ARHGAP10: variants seen among roughly 807,000 people sequenced by gnomAD.
ARHGAP10 encodes the protein Rho GTPase activating protein 10, also known as rho GTPase-activating protein 10.
In ARHGAP10, 87 loss-of-function variants were observed where a neutral mutation model predicts 108.6. That is an observed-to-expected ratio of 0.80 (90% CI 0.67 to 0.96). The LOEUF (loss-of-function observed/expected upper bound fraction) is 0.96, where lower values mean the gene tolerates loss of function less well. Ranked by LOEUF, ARHGAP10 falls within the 40% of genes least tolerant of loss-of-function variation. The pLI is 0.00. For missense variants in ARHGAP10, 939 were observed against 954.5 expected, an observed-to-expected ratio of 0.98 and a Z score of 0.21; for synonymous variants, 347 against 341.1, an observed-to-expected ratio of 1.02 and a Z score of -0.19.
chr4:148,006,286 A>G (rs1560871417), intron 18 of ARHGAP10, among the ~76,000 whole-genome samples: 1 of 152,234 alleles, frequency 6.6e-6, no homozygotes. Context: ...CTGTCCAGGC[A>G]CTGGACATGT....
At chr4:148,039,855 T>C (rs565055041) in intron 19 of ARHGAP10, among the ~76,000 whole-genome samples, 3 of 152,322 alleles carry the variant, frequency 2.0e-5, no homozygotes, top group Non-Finnish European at 4.4e-5. Flanking sequence ...ATTATTTAAA[T>C]ATTTCCTCCT....
intron 5 of ARHGAP10, chr4:147,862,763 T>A (rs1447625398): frequency 6.6e-6 from 1 of 152,194 alleles, no homozygotes; most frequent in Non-Finnish European, 1.5e-5. Flanking sequence ...AATTGATAAA[T>A]CTGATGCTGG....
chr4:148,045,424 C>T (rs1465290657), intron 19 of ARHGAP10, among the ~76,000 whole-genome samples: 1 of 152,100 alleles, frequency 6.6e-6, no homozygotes, highest in African/African-American at 2.4e-5. Context: ...TGGAATTTCT[C>T]TTATGCTTCG....
At chr4:147,813,873 T>C (rs991573616) in intron 1 of ARHGAP10, among the ~76,000 whole-genome samples, 1 of 152,236 alleles carries the variant, frequency 6.6e-6, no homozygotes, top group Admixed American at 6.5e-5. Context: ...AGGATTACTC[T>C]CATTTTGTTC....
intron 1 of ARHGAP10, among the ~76,000 whole-genome samples, chr4:147,816,485 G>A (rs972909812): frequency 1.3e-5 from 2 of 152,156 alleles, no homozygotes; most frequent in Non-Finnish European, 2.9e-5. Flanking sequence ...TCTGTGATAA[G>A]AATTCATTAC....
chr4:147,903,649 T>C (rs1736340344), intron 10 of ARHGAP10, among the ~76,000 whole-genome samples: 1 of 152,186 alleles, frequency 6.6e-6, no homozygotes, highest in African/African-American at 2.4e-5. Flanking sequence ...CCAGTGATCT[T>C]TTTACTGTCT....
At chr4:148,028,470 T>G (rs550617604) in intron 19 of ARHGAP10, among the ~76,000 whole-genome samples, 8 of 152,306 alleles carry the variant, frequency 5.3e-5, no homozygotes, top group African/African-American at 1.7e-4. Context: ...TAATAGTATC[T>G]ACCACTGAGG....
chr4:147,918,285 G>A lies in ARHGAP10; in HGVS notation c.1228+5146G>A, dbSNP rs375903332. 4.9e-4 allele frequency among the ~76,000 whole-genome samples: 75 copies of A among 151,818 alleles called. No individual in the cohort carries two copies. In the South Asian group the frequency reaches 7.3e-3, roughly 15 times the overall value. ...TGAGTAGCTGGGACTACAGGTGCCC[G>A]CCACGAAGCCTGGCTAATTTTTTGT... On this transcript the variant is annotated intron_variant, in intron 13 of 22. Coordinates refer to ENST00000336498, the MANE Select transcript of ARHGAP10 (RefSeq NM_024605.4).
At chr4:148,030,058 A>G (rs1033035902) in intron 19 of ARHGAP10, among the ~76,000 whole-genome samples, 13 of 148,024 alleles carry the variant, frequency 8.8e-5, no homozygotes, top group African/African-American at 2.5e-4. Flanking sequence ...ATTGCTTCCT[A>G]TGTAATTTTA....
intron 4 of ARHGAP10, among the ~76,000 whole-genome samples, chr4:147,855,839 C>G (rs1332711799): frequency 1.3e-5 from 2 of 151,956 alleles, no homozygotes; most frequent in African/African-American, 4.8e-5. Context: ...GACATACTGT[C>G]CTGGGTTTCC....
intron 1 of ARHGAP10, 139 bp from the exon 2 acceptor site, chr4:147,822,588 G>T: frequency 1.2e-6 from 1 of 805,000 alleles, no homozygotes; most frequent in South Asian, 1.8e-5. Context: ...GGGCCATTTG[G>T]CAAGGGAGTT....
chr4:147,944,612 T>G (rs1274729770), intron 14 of ARHGAP10, among the ~76,000 whole-genome samples: 2 of 152,204 alleles, frequency 1.3e-5, no homozygotes, highest in African/African-American at 2.4e-5. Context: ...TTTTAGTGTT[T>G]TTAAAAAGGA....
chr4:147,966,172 A>G (rs1326428561), intron 17 of ARHGAP10, among the ~76,000 whole-genome samples: 4 of 152,208 alleles, frequency 2.6e-5, no homozygotes, highest in Non-Finnish European at 5.9e-5. Flanking sequence ...CTGGGGAAAG[A>G]GTGAGTTTTC....
At chr4:148,069,146 G>A (rs1353434275) in intron 22 of ARHGAP10, among the ~76,000 whole-genome samples, 1 of 152,160 alleles carries the variant, frequency 6.6e-6, no homozygotes, top group African/African-American at 2.4e-5. Flanking sequence ...TTTGGGGTTC[G>A]ATGCTACTGA....
At position 147,767,631 on chromosome 4, in the gene ARHGAP10, C is replaced by T. The variant is rs578155225; in HGVS notation, c.154+35176C>T. 1.3e-4 allele frequency among the ~76,000 whole-genome samples: 20 copies of T among 152,164 alleles called. No individual in the cohort carries two copies. In the South Asian group the frequency reaches 1.9e-3, roughly 14 times the overall value. On this transcript the variant is annotated intron_variant, in intron 1 of 22. Transcript: ENST00000336498. ...ACTTGGGAGGCTGAGGTAGGAGGATCGCTTGAGTCTAGGAGTTCGAGGCTG... is the reference window on the plus strand; with the variant it reads ...ACTTGGGAGGCTGAGGTAGGAGGATTGCTTGAGTCTAGGAGTTCGAGGCTG...
chr4:148,016,007 G>A (rs1741330937), intron 18 of ARHGAP10, among the ~76,000 whole-genome samples: 1 of 152,174 alleles, frequency 6.6e-6, no homozygotes, highest in African/African-American at 2.4e-5. Flanking sequence ...GGAGGCAATG[G>A]AACACATTGG....
chr4:147,990,468 G>A (rs565993608), intron 18 of ARHGAP10, among the ~76,000 whole-genome samples: 4 of 152,280 alleles, frequency 2.6e-5, no homozygotes, highest in Non-Finnish European at 2.9e-5. Flanking sequence ...GTCAGAGTGG[G>A]CAACGTGGCC....
chr4:148,071,828 G>A (rs1485476120), intron 22 of ARHGAP10, among the ~76,000 whole-genome samples, 165 bp from the exon 23 acceptor site: 1 of 149,430 alleles, frequency 6.7e-6, no homozygotes, highest in African/African-American at 2.5e-5. Flanking sequence ...GCCAGTGCAG[G>A]GAGGCAGAGC....
intron 13 of ARHGAP10, among the ~76,000 whole-genome samples, chr4:147,932,518 C>T (rs531042386): frequency 1.7e-4 from 26 of 152,246 alleles, no homozygotes; most frequent in African/African-American, 5.5e-4. Flanking sequence ...ATGGATGGAG[C>T]TGGAGCCCAT....
Sources: gnomAD v4.1 joint callset for allele counts (sites outside exome capture counted in the v4.1 genomes callset) on GRCh38, gnomAD v4.1.1 for gene constraint, MANE v1.5 for transcripts, NCBI Gene and HGNC (gene_info 2026-07-23, HGNC 2026-07-21) for gene names.